The following PDE4D variants were observed in gnomAD, a reference collection of about 807,000 sequenced individuals.
PDE4D encodes 3',5'-cyclic-AMP phosphodiesterase 4D.
PDE4D carries 24 observed loss-of-function variants against 87.4 expected under a neutral mutation model. The observed-to-expected ratio is 0.27, with a 90% CI of 0.20 to 0.39. The LOEUF (loss-of-function observed/expected upper bound fraction) is 0.39. Among genes scored for constraint, PDE4D ranks in the 10% least tolerant of loss-of-function variants. The pLI is 1.00. For missense variants in PDE4D, 714 were observed against 1,041.0 expected (o/e 0.69, Z 4.32); for synonymous variants, 384 against 383.2 (o/e 1.00, Z -0.02).
intron 1 of PDE4D, among the ~76,000 whole-genome samples, chr5:60,249,684 T>C (rs1748205944): frequency 6.6e-6 from 1 of 151,952 alleles, no homozygotes; most frequent in Non-Finnish European, 1.5e-5. Context: ...TTTCTGAAAA[T>C]GCATTTTGCA....
chr5:60,020,763 C>A (rs1240354453), intron 2 of PDE4D, among the ~76,000 whole-genome samples: 1 of 152,274 alleles, frequency 6.6e-6, no homozygotes, highest in Admixed American at 6.5e-5. Flanking sequence ...AAGCCAATAC[C>A]TGATCTGGCC....
intron 2 of PDE4D, among the ~76,000 whole-genome samples, chr5:60,185,277 T>C (rs1191569302): frequency 6.6e-6 from 1 of 152,152 alleles, no homozygotes; most frequent in Non-Finnish European, 1.5e-5. Context: ...ATTTTCTGCA[T>C]GCACTCAAAA....
At chr5:59,555,863 T>C (rs936923194) in intron 1 of PDE4D, among the ~76,000 whole-genome samples, 8 of 152,264 alleles carry the variant, frequency 5.3e-5, no homozygotes, top group African/African-American at 1.4e-4. Flanking sequence ...TTATGAAGCA[T>C]CCTCGCCTTG....
intron 1 of PDE4D, among the ~76,000 whole-genome samples, chr5:59,572,453 G>GT (rs1031162160): frequency 1.3e-5 from 2 of 151,402 alleles, no homozygotes; most frequent in Non-Finnish European, 2.9e-5. Context: ...TGGTACACAG[G>GT]TTTTTTGTTT....
chr5:59,299,712 C>T (rs1344878649), intron 1 of PDE4D, among the ~76,000 whole-genome samples: 2 of 152,190 alleles, frequency 1.3e-5, no homozygotes, highest in African/African-American at 4.8e-5. Context: ...TCCTATCTTT[C>T]TCCATATACT....
In PDE4D at chr5:59,790,197, C is replaced by T. The variant is rs369265514; in HGVS notation, c.455+102971G>A. On this transcript the variant is annotated intron_variant, in intron 1 of 14. Coordinates refer to ENST00000340635, the MANE Select transcript of PDE4D (RefSeq NM_001104631.2). ...AAAACACAGCTCTGTCAAATCAAAC[C>T]TTGTCTACTTTCAAACAACTGAACA... 1.3e-3 allele frequency among the ~76,000 whole-genome samples: 203 copies of T among 152,264 alleles called. 5 individuals are homozygous for T. In the South Asian group the frequency reaches 0.039, roughly 29 times the overall value.
At chr5:60,218,080 C>A (rs558156445) in intron 1 of PDE4D, among the ~76,000 whole-genome samples, 1 of 151,922 alleles carries the variant, frequency 6.6e-6, no homozygotes, top group Non-Finnish European at 1.5e-5. Context: ...TAGATGTATT[C>A]ATCAAAAATC....
chr5:60,112,499 G>T (rs1483228881), intron 2 of PDE4D, among the ~76,000 whole-genome samples: 1 of 151,990 alleles, frequency 6.6e-6, no homozygotes, highest in African/African-American at 2.4e-5. Flanking sequence ...ATTCCATAAG[G>T]ACCATCCGAA....
At chr5:59,144,866 C>T (rs35425879) in intron 5 of PDE4D, among the ~76,000 whole-genome samples, 18,346 of 118,528 alleles carry the variant, frequency 0.15, 1,322 homozygotes, top group Middle Eastern at 0.2. Context: ...TTTTAGAGAC[C>T]GTATTCCCTT....
chr5:60,059,050 G>GT (rs1487402084), intron 2 of PDE4D, among the ~76,000 whole-genome samples: 1 of 150,970 alleles, frequency 6.6e-6, no homozygotes. Context: ...ATGTGTGTGT[G>GT]TGTGTGTGTG....
chr5:59,545,793 T>C (rs1817170276), intron 1 of PDE4D, among the ~76,000 whole-genome samples: 1 of 152,128 alleles, frequency 6.6e-6, no homozygotes. Flanking sequence ...TTTTCTTTCA[T>C]AGCATCAGTC....
chr5:59,481,303 G>A (rs897908571), intron 1 of PDE4D, among the ~76,000 whole-genome samples: 1 of 150,468 alleles, frequency 6.6e-6, no homozygotes, highest in Non-Finnish European at 1.5e-5. Flanking sequence ...TGACTTTGCT[G>A]TATGAGTCTT....
intron 2 of PDE4D, among the ~76,000 whole-genome samples, chr5:59,200,063 A>ATG (rs1746552993): frequency 2.1e-5 from 3 of 144,410 alleles, no homozygotes; most frequent in Non-Finnish European, 3.0e-5. Flanking sequence ...ACATGCATGT[A>ATG]CACACACGTA....
chr5:60,181,520 A>T (rs1360730816), intron 2 of PDE4D, among the ~76,000 whole-genome samples: 1 of 152,226 alleles, frequency 6.6e-6, no homozygotes, highest in Admixed American at 6.5e-5. Flanking sequence ...ATTCTATCAA[A>T]AAAGAACAAG....
chr5:59,030,410 C>T (rs1324694141), intron 6 of PDE4D, among the ~76,000 whole-genome samples: 2 of 121,370 alleles, frequency 1.6e-5, no homozygotes, highest in Non-Finnish European at 3.5e-5. Context: ...ATATGAATGG[C>T]CAACAGAGAT....
At chr5:60,454,484 A>G (rs534954474) in intron 1 of PDE4D, among the ~76,000 whole-genome samples, 11 of 152,268 alleles carry the variant, frequency 7.2e-5, no homozygotes, top group East Asian at 3.9e-4. Context: ...AAGGAATGAG[A>G]TAATGTCCTT....
At chr5:60,320,855 A>G (rs1756185363) in intron 1 of PDE4D, among the ~76,000 whole-genome samples, 1 of 152,152 alleles carries the variant, frequency 6.6e-6, no homozygotes, top group Non-Finnish European at 1.5e-5. Flanking sequence ...GGGAGGTGAA[A>G]AATCTCTACA....
rs751989597 is a variant in PDE4D at position 59,275,330 on chromosome 5, AACGTT to A, written c.456-59367_456-59363del. ...AAAGGGGAAAAGCATGAGAGAAAAG[AACGTT>A]ACCAAACTGCCTCTGCAGTCCTTAG... On this transcript the variant is annotated intron_variant, in intron 1 of 14. Coordinates refer to ENST00000340635, the MANE Select transcript of PDE4D (RefSeq NM_001104631.2). 4 of 1,591,926 alleles carry A rather than the reference AACGTT, an allele frequency of 2.5e-6. No homozygotes were observed. In the South Asian group the frequency reaches 4.4e-5, roughly 18 times the overall value.
At chr5:60,095,953 T>C (rs1475655104) in intron 2 of PDE4D, among the ~76,000 whole-genome samples, 2 of 152,136 alleles carry the variant, frequency 1.3e-5, no homozygotes, top group Non-Finnish European at 2.9e-5. Context: ...GTTTTTCTTC[T>C]TGTAAATTTG....
Sources: gnomAD v4.1 joint callset for allele counts (sites outside exome capture counted in the v4.1 genomes callset) on GRCh38, gnomAD v4.1.1 for gene constraint, MANE v1.5 for transcripts, NCBI Gene and HGNC (gene_info 2026-07-23, HGNC 2026-07-21) for gene names.